Variants in TMPRSS15 observed in about 807,000 individuals in gnomAD.
TMPRSS15 encodes the protein transmembrane serine protease 15, also known as enteropeptidase.
Under a neutral mutation model 125.3 loss-of-function variants are expected in TMPRSS15, and 128 were observed. The ratio of observed to expected loss-of-function variants is 1.02; its 90% CI spans 0.89 to 1.18. The LOEUF (loss-of-function observed/expected upper bound fraction) is 1.18, where lower values mean the gene tolerates loss of function less well. Among genes scored for constraint, TMPRSS15 ranks in the 50% most tolerant of loss-of-function variants. The probability of loss-of-function intolerance (pLI) is 0.00; values close to 1 mark genes in which losing one functional copy is unlikely to be tolerated. For synonymous variants in TMPRSS15, 446 were observed against 423.2 expected (o/e 1.05, Z -0.66); for missense variants, 1,283 against 1,212.7 (o/e 1.06, Z -0.86).
chr21:18,332,187 C>A lies in TMPRSS15; in HGVS notation c.1565-14G>T. Reference sequence around the variant, plus strand: ...CTCCACAGTCCGCTGAAAAGGAAAGCAATGGGAAATCATCAGTAATACAAT... The same window carrying A: ...CTCCACAGTCCGCTGAAAAGGAAAGAAATGGGAAATCATCAGTAATACAAT... On this transcript the variant is annotated splice_polypyrimidine_tract_variant and intron_variant, in intron 13 of 24. Coordinates refer to ENST00000284885, the MANE Select transcript of TMPRSS15 (RefSeq NM_002772.3). 6.2e-7 allele frequency: 1 copy of A among 1,604,320 alleles called. No individual in the cohort carries two copies. The highest frequency in any genetic ancestry group is 8.5e-7 in the Non-Finnish European group (1 of 1,171,078).
intron 1 of TMPRSS15, among the ~76,000 whole-genome samples, chr21:18,473,430 C>T (rs960761391): frequency 2.0e-5 from 3 of 151,934 alleles, no homozygotes; most frequent in Admixed American, 6.6e-5. Flanking sequence ...GAAAAGCATG[C>T]TAAATAGATC....
intron 21 of TMPRSS15, among the ~76,000 whole-genome samples, chr21:18,285,309 T>C (rs2074749713): frequency 6.6e-6 from 1 of 152,218 alleles, no homozygotes; most frequent in African/African-American, 2.4e-5. Context: ...AGGATGTCCA[T>C]TTGTAAGTGG....
chr21:18,401,090 C>G (rs1359170709), intron 1 of TMPRSS15, among the ~76,000 whole-genome samples: 2 of 152,002 alleles, frequency 1.3e-5, no homozygotes, highest in African/African-American at 2.4e-5. Context: ...CAGATGTTGA[C>G]AAGGCTGCAG....
chr21:18,296,261 A>G (rs2074906618), intron 19 of TMPRSS15, among the ~76,000 whole-genome samples: 1 of 152,208 alleles, frequency 6.6e-6, no homozygotes, highest in Non-Finnish European at 1.5e-5. Context: ...TATTACAACC[A>G]CTAGCGCAAG....
At chr21:18,479,480 G>A (rs1325743042) in intron 1 of TMPRSS15, among the ~76,000 whole-genome samples, 2 of 151,850 alleles carry the variant, frequency 1.3e-5, no homozygotes, top group Non-Finnish European at 2.9e-5. Context: ...ATGCATCATG[G>A]CAATTTTCTT....
intron 1 of TMPRSS15, among the ~76,000 whole-genome samples, chr21:18,399,161 T>C (rs982988679): frequency 3.3e-5 from 5 of 152,046 alleles, no homozygotes; most frequent in Non-Finnish European, 7.4e-5. Flanking sequence ...CACAATAATC[T>C]GGTGCGAGAA....
intron 19 of TMPRSS15, among the ~76,000 whole-genome samples, chr21:18,296,581 T>C (rs1334579985): frequency 6.6e-6 from 1 of 152,220 alleles, no homozygotes. Context: ...TAAGCTAGTT[T>C]TGATCTCAAG....
At chr21:18,484,303 T>C (rs542251518) in intron 1 of TMPRSS15, among the ~76,000 whole-genome samples, 2 of 152,024 alleles carry the variant, frequency 1.3e-5, no homozygotes, top group South Asian at 2.1e-4. Flanking sequence ...TCCATGATTG[T>C]CAATGCTACT....
chr21:18,329,121 A>G, intron 15 of TMPRSS15, 48 bp downstream of exon 15: 5 of 1,607,254 alleles, frequency 3.1e-6, no homozygotes, highest in Non-Finnish European at 4.3e-6. Flanking sequence ...CCATCAGCAC[A>G]ACATCTTGAG....
In TMPRSS15 at chr21:18,275,339, G is replaced by T. The variant is rs532367416; in HGVS notation, c.2765-3C>A. On this transcript the variant is annotated splice_polypyrimidine_tract_variant and splice_region_variant and intron_variant, in intron 23 of 24. Coordinates refer to ENST00000284885, the MANE Select transcript of TMPRSS15 (RefSeq NM_002772.3). ...TTGCAATATGTTTGCAGTAGTACCT[G>T]CTCAAAATGGAGAATGCAGCCAGCC... 2 of 1,613,718 alleles carry T rather than the reference G, an allele frequency of 1.2e-6. No individual in the cohort carries two copies. The highest frequency in any genetic ancestry group is 8.5e-7 in the Non-Finnish European group (1 of 1,179,934).
At chr21:18,432,856 T>C (rs2076219102) in intron 1 of TMPRSS15, among the ~76,000 whole-genome samples, 1 of 152,162 alleles carries the variant, frequency 6.6e-6, no homozygotes, top group Non-Finnish European at 1.5e-5. Flanking sequence ...TGGGAAACAG[T>C]AAAATTCTTC....
At chr21:18,428,659 G>C (rs906695730) in intron 1 of TMPRSS15, among the ~76,000 whole-genome samples, 1 of 152,142 alleles carries the variant, frequency 6.6e-6, no homozygotes, top group African/African-American at 2.4e-5. Flanking sequence ...ACATGGTGTT[G>C]AGCCTGTGAG....
intron 22 of TMPRSS15, among the ~76,000 whole-genome samples, chr21:18,279,464 T>C (rs1278390424): frequency 6.6e-6 from 1 of 150,926 alleles, no homozygotes; most frequent in Non-Finnish European, 1.5e-5. Flanking sequence ...TAGCTGGGAC[T>C]ACAGGCGCCC....
At chr21:18,395,437 G>A (rs896486286) in intron 3 of TMPRSS15, among the ~76,000 whole-genome samples, 1 of 152,154 alleles carries the variant, frequency 6.6e-6, no homozygotes, top group Non-Finnish European at 1.5e-5. Flanking sequence ...CCCCTAGTGA[G>A]GAAAGCATTA....
chr21:18,409,651 A>C (rs140938926), intron 1 of TMPRSS15, among the ~76,000 whole-genome samples: 1 of 152,192 alleles, frequency 6.6e-6, no homozygotes, highest in East Asian at 1.9e-4. Context: ...TCATAATTAT[A>C]ATCTTTCTAT....
chr21:18,431,288 T>C (rs1268343169), intron 1 of TMPRSS15, among the ~76,000 whole-genome samples: 1 of 152,184 alleles, frequency 6.6e-6, no homozygotes. Context: ...CCTGTGTACT[T>C]ACTTTCCAGC....
intron 1 of TMPRSS15, among the ~76,000 whole-genome samples, chr21:18,431,690 A>G (rs567278647): frequency 3.3e-5 from 5 of 152,280 alleles, no homozygotes; most frequent in South Asian, 4.1e-4. Context: ...TTTAATTTAA[A>G]ATGATTTCTC....
chr21:18,376,597 G>A (rs2075846248), intron 5 of TMPRSS15, among the ~76,000 whole-genome samples: 1 of 152,134 alleles, frequency 6.6e-6, no homozygotes, highest in African/African-American at 2.4e-5. Context: ...GCCCATGACA[G>A]TGAAACTTTT....
At chr21:18,351,572 TGCCTGCA>T (rs1432265970) in intron 10 of TMPRSS15, among the ~76,000 whole-genome samples, 2 of 152,184 alleles carry the variant, frequency 1.3e-5, no homozygotes, top group African/African-American at 4.8e-5. Context: ...CACTGTCTCT[TGCCTGCA>T]GCCACGTAAG....
Sources: allele counts gnomAD v4.1 joint callset (sites outside exome capture counted in the v4.1 genomes callset), GRCh38; gene constraint gnomAD v4.1.1; transcripts MANE v1.5; gene names NCBI Gene and HGNC (gene_info 2026-07-23, HGNC 2026-07-21).